AGK: variants seen among roughly 807,000 people sequenced by gnomAD.
AGK encodes the protein acylglycerol kinase, mitochondrial.
AGK carries 52 observed loss-of-function variants against 66.4 expected under a neutral mutation model. The ratio of observed to expected loss-of-function variants is 0.78; its 90% CI spans 0.63 to 0.99. AGK has a LOEUF of 0.99. Among genes scored for constraint, AGK ranks in the 50% least tolerant of loss-of-function variants. The pLI, the probability that AGK is intolerant of heterozygous loss-of-function variation, is 0.00. For synonymous variants in AGK, 182 were observed against 181.1 expected, an observed-to-expected ratio of 1.00 and a Z score of -0.04; for missense variants, 451 against 506.6, an observed-to-expected ratio of 0.89 and a Z score of 1.05.
chr7:141,633,131 G>A (rs560345874), intron 9 of AGK, among the ~76,000 whole-genome samples: 3 of 152,190 alleles, frequency 2.0e-5, no homozygotes, highest in Admixed American at 6.5e-5. Context: ...TGTAGCATTC[G>A]GTAGCTCTCT....
chr7:141,592,428 C>T lies in AGK; in HGVS notation c.102-718C>T, dbSNP rs538213615. Among the ~76,000 whole-genome samples, 15 of 152,302 alleles carry T rather than the reference C, an allele frequency of 9.8e-5. No individual in the cohort carries two copies. The South Asian group carries it at 2.9e-3, about 29-fold the overall frequency. On this transcript the variant is annotated intron_variant, in intron 2 of 15. Transcript: ENST00000649286. ...TCTGCCTCTGATCACAACCACGAAA[C>T]TCTCTGTTTTGGGACCTTTGTGGTT...
chr7:141,566,163 G>A (rs974372950), intron 2 of AGK, among the ~76,000 whole-genome samples: 3 of 152,222 alleles, frequency 2.0e-5, no homozygotes, highest in African/African-American at 7.2e-5. Flanking sequence ...AGTCTCAAAT[G>A]TTATTTCTTT....
At chr7:141,630,095 T>TATC (rs555629834) in intron 9 of AGK, among the ~76,000 whole-genome samples, 250 of 151,082 alleles carry the variant, frequency 1.7e-3, no homozygotes, top group Admixed American at 2.7e-3. Flanking sequence ...TGGAATCTTC[T>TATC]ATCATCATCA....
At chr7:141,566,223 AT>A (rs2116866415) in intron 2 of AGK, among the ~76,000 whole-genome samples, 1 of 152,196 alleles carries the variant, frequency 6.6e-6, no homozygotes, top group African/African-American at 2.4e-5. Context: ...ATCATCTTAC[AT>A]TTTCTCCATA....
rs1797652541 is a variant in AGK, at chr7:141,654,758, C to CA, written c.*1835dup. 6.6e-6 allele frequency: 1 copy of CA among 152,334 alleles called. No homozygotes were observed. Among genetic ancestry groups the CA allele is most frequent in the Admixed American group, 6.5e-5 (1 of 15,278 alleles). The allele number at this position is 152,334 out of a possible 1,614,324, so 9.4% of individuals were successfully genotyped here. A position where few individuals can be genotyped will look rare whatever the true frequency, so the allele number is the denominator to read the frequency against. On this transcript the variant is annotated 3_prime_UTR_variant, in exon 16 of 16. Transcript: ENST00000649286. ...CCTTAGCTACAGGCTCTCTCTCAGG[C>CA]AGATCCCTTTTAAGATACATACACC...
intron 3 of AGK, 163 bp downstream of exon 3, chr7:141,593,348 C>A: frequency 1.4e-6 from 1 of 723,638 alleles, no homozygotes; most frequent in Non-Finnish European, 2.5e-6. Flanking sequence ...CTGAGTAGAA[C>A]TCCAGGAAGT....
chr7:141,614,084 A>G (rs1169357955), intron 6 of AGK, 62 bp from the exon 7 acceptor site: 6 of 1,248,280 alleles, frequency 4.8e-6, no homozygotes, highest in Middle Eastern at 2.6e-4. Context: ...ATTGAATCCA[A>G]TTCTTTTATT....
At chr7:141,594,628 T>C (rs1248059238) in intron 3 of AGK, among the ~76,000 whole-genome samples, 1 of 152,080 alleles carries the variant, frequency 6.6e-6, no homozygotes, top group Non-Finnish European at 1.5e-5. Flanking sequence ...CCTTTAGTTA[T>C]TTTCTCCTTC....
intron 2 of AGK, among the ~76,000 whole-genome samples, chr7:141,568,539 A>G (rs1795516151): frequency 6.6e-6 from 1 of 150,516 alleles, no homozygotes; most frequent in South Asian, 2.1e-4. Flanking sequence ...TACCCACCTC[A>G]GCCTGTGACC....
chr7:141,589,283 T>G (rs1306844900), intron 2 of AGK, among the ~76,000 whole-genome samples: 1 of 152,192 alleles, frequency 6.6e-6, no homozygotes, highest in Non-Finnish European at 1.5e-5. Flanking sequence ...TTACAAAGAT[T>G]AAAGGTTTAT....
At chr7:141,651,376 G>A (rs1379234740) in intron 14 of AGK, 149 bp from the exon 15 acceptor site, 4 of 671,940 alleles carry the variant, frequency 6.0e-6, no homozygotes, top group East Asian at 5.5e-5. Context: ...AATCACTGTT[G>A]GAAAAATTAT....
At chr7:141,651,061 T>G (rs998653768) in intron 14 of AGK, among the ~76,000 whole-genome samples, 2 of 152,116 alleles carry the variant, frequency 1.3e-5, no homozygotes, top group African/African-American at 4.8e-5. Context: ...ATAGGAAGGG[T>G]TATCAGAGAA....
At position 141,623,412 on chromosome 7, in the gene AGK, A is replaced by G. The variant is rs192643974; in HGVS notation, c.588+1611A>G. Among the ~76,000 whole-genome samples, 225 of 151,996 alleles carry G rather than the reference A, an allele frequency of 1.5e-3. 2 individuals carry two copies. The highest frequency in any genetic ancestry group is 5.0e-3 in the African/African-American group (208 of 41,522). On this transcript the variant is annotated intron_variant, in intron 9 of 15. Transcript: ENST00000649286. Reference sequence around the variant, plus strand: ...AAAAAAGAAAAAAAAAAGAAAGAAAAAAAAAAAGAAAGTGAAGCAGCCATG... The same window carrying G: ...AAAAAAGAAAAAAAAAAGAAAGAAAGAAAAAAAGAAAGTGAAGCAGCCATG...
chr7:141,640,731 G>A (rs1797269533), intron 11 of AGK, among the ~76,000 whole-genome samples: 1 of 152,078 alleles, frequency 6.6e-6, no homozygotes, highest in Admixed American at 6.6e-5. Flanking sequence ...ACTGGACTTG[G>A]GATGCCAGGA....
rs564093850 is a variant in AGK, at chr7:141,634,759, A to G, written c.668+779A>G. ...GGCTTACAGTTTGAGTATAGTTTAA[A>G]TGAATTGTGGCTGATCTCACACATA... On this transcript the variant is annotated intron_variant, in intron 10 of 15. Coordinates refer to ENST00000649286, the MANE Select transcript of AGK (RefSeq NM_018238.4). Among the ~76,000 whole-genome samples, 10 of 151,536 alleles carry G rather than the reference A, an allele frequency of 6.6e-5. No individual in the cohort carries two copies. The South Asian group carries it at 2.1e-3, about 32-fold the overall frequency.
intron 2 of AGK, among the ~76,000 whole-genome samples, chr7:141,591,153 C>T (rs1055013849): frequency 8.0e-6 from 1 of 124,502 alleles, no homozygotes; most frequent in Non-Finnish European, 1.6e-5. Context: ...AGCGCAATGG[C>T]GTGATCTTGG....
At chr7:141,621,480 T>A (rs953004378) in intron 8 of AGK, among the ~76,000 whole-genome samples, 1 of 152,128 alleles carries the variant, frequency 6.6e-6, no homozygotes, top group Admixed American at 6.6e-5. Context: ...TCAGTAAATG[T>A]TAAATGAATG....
intron 2 of AGK, among the ~76,000 whole-genome samples, chr7:141,589,347 T>G (rs142567685): frequency 6.6e-6 from 1 of 152,262 alleles, no homozygotes; most frequent in Non-Finnish European, 1.5e-5. Context: ...GAATTTTAAG[T>G]TTTGTCTTTT....
chr7:141,652,625 G>A (rs910838436), intron 15 of AGK, 162 bp from the exon 16 acceptor site: 8 of 618,234 alleles, frequency 1.3e-5, no homozygotes, highest in African/African-American at 9.1e-5. Context: ...TGTGCCCATC[G>A]TAGTAGGCAC....
Sources: gnomAD v4.1 joint callset for allele counts (sites outside exome capture counted in the v4.1 genomes callset) on GRCh38, gnomAD v4.1.1 for gene constraint, MANE v1.5 for transcripts, NCBI Gene and HGNC (gene_info 2026-07-23, HGNC 2026-07-21) for gene names.